The following NKAIN3 variants were observed in gnomAD, a reference collection of about 807,000 sequenced individuals.
NKAIN3 encodes sodium/potassium-transporting ATPase subunit beta-1-interacting protein 3.
NKAIN3 carries 25 observed loss-of-function variants against 30.2 expected under a neutral mutation model. The observed-to-expected ratio is 0.83, with a 90% CI of 0.60 to 1.16. NKAIN3 has a LOEUF of 1.16. Among genes scored for constraint, NKAIN3 ranks in the 50% most tolerant of loss-of-function variants. The pLI, the probability that NKAIN3 is intolerant of heterozygous loss-of-function variation, is 0.00. For missense variants in NKAIN3, 225 were observed against 254.1 expected, an observed-to-expected ratio of 0.89 and a Z score of 0.78; for synonymous variants, 91 against 89.6, an observed-to-expected ratio of 1.02 and a Z score of -0.09.
chr8:62,676,880 AT>A (rs1001103841), intron 3 of NKAIN3, among the ~76,000 whole-genome samples: 2 of 151,132 alleles, frequency 1.3e-5, no homozygotes, highest in South Asian at 2.1e-4. Context: ...TGCCAAGCTA[AT>A]TTTTTTTTAA....
At chr8:62,735,370 CTTTCTTTCTTT>C (rs751279907) in intron 3 of NKAIN3, among the ~76,000 whole-genome samples, 8,229 of 25,514 alleles carry the variant, frequency 0.32, 447 homozygotes, top group Middle Eastern at 0.42. Flanking sequence ...TTCTTTCTTT[CTTTCTTTCTTT>C]TTTTTTTTTT....
At chr8:62,717,615 T>C (rs1375896288) in intron 3 of NKAIN3, among the ~76,000 whole-genome samples, 3 of 152,214 alleles carry the variant, frequency 2.0e-5, no homozygotes, top group Non-Finnish European at 4.4e-5. Context: ...TCAGTATTAA[T>C]ATATGCACAT....
chr8:62,750,088 T>C (rs2130591424), intron 4 of NKAIN3, among the ~76,000 whole-genome samples: 1 of 152,114 alleles, frequency 6.6e-6, no homozygotes, highest in East Asian at 2.0e-4. Context: ...GGTCGCAATA[T>C]TTAACAGCCC....
In NKAIN3 at chr8:62,380,578, A is replaced by T. The variant is rs1817246275; in HGVS notation, c.54+131451A>T. 2.6e-5 allele frequency among the ~76,000 whole-genome samples: 4 copies of T among 152,218 alleles called. No homozygotes were observed. In the South Asian group the frequency reaches 6.2e-4, roughly 24 times the overall value. ...TCAGAGCTTTGGCAGAAATGACAGT[A>T]AACAAGGCTGAGTGTCTCTGTGCTG... On this transcript the variant is annotated intron_variant, in intron 1 of 6. Transcript: ENST00000623646.
intron 4 of NKAIN3, among the ~76,000 whole-genome samples, chr8:62,912,681 G>A (rs1226675688): frequency 1.3e-5 from 2 of 152,166 alleles, no homozygotes; most frequent in African/African-American, 2.4e-5. Flanking sequence ...AGGCTGAGGA[G>A]GACGGATCAC....
intron 4 of NKAIN3, among the ~76,000 whole-genome samples, chr8:62,801,549 G>C (rs1351760992): frequency 1.3e-5 from 2 of 152,206 alleles, no homozygotes; most frequent in Non-Finnish European, 2.9e-5. Flanking sequence ...CAGACCTGCA[G>C]CTGAGGGTCC....
At chr8:62,925,481 G>A (rs922727607) in intron 5 of NKAIN3, among the ~76,000 whole-genome samples, 3 of 152,128 alleles carry the variant, frequency 2.0e-5, no homozygotes, top group Non-Finnish European at 4.4e-5. Context: ...ACATTATCTG[G>A]AAATTTTCTG....
chr8:62,571,136 C>T (rs1809923255), intron 1 of NKAIN3, among the ~76,000 whole-genome samples: 2 of 109,330 alleles, frequency 1.8e-5, no homozygotes, highest in Non-Finnish European at 3.8e-5. Context: ...TTGAAATAGG[C>T]TTATTTTTTT....
chr8:62,614,737 T>C (rs2130198700), intron 3 of NKAIN3, among the ~76,000 whole-genome samples: 1 of 152,242 alleles, frequency 6.6e-6, no homozygotes, highest in African/African-American at 2.4e-5. Context: ...CTTCCCACTC[T>C]TCTCTCCCCT....
In NKAIN3 at chr8:62,661,119, T is replaced by C. The variant is rs778004568; in HGVS notation, c.273+71325T>C. Reference sequence around the variant, plus strand: ...ATAGAGAAACATACATTATTCAGTTTTTTGAAAGCAGATTTGAAGCACGTA... The same window carrying C: ...ATAGAGAAACATACATTATTCAGTTCTTTGAAAGCAGATTTGAAGCACGTA... On this transcript the variant is annotated intron_variant, in intron 3 of 6. Transcript: ENST00000623646. Among the ~76,000 whole-genome samples, 62 of 152,210 alleles carry C rather than the reference T, an allele frequency of 4.1e-4. 1 individual carries two copies. The highest frequency in any genetic ancestry group is 1.5e-4 in the Non-Finnish European group (10 of 68,028).
intron 3 of NKAIN3, among the ~76,000 whole-genome samples, chr8:62,716,202 T>C (rs1227795661): frequency 6.6e-6 from 1 of 152,116 alleles, no homozygotes; most frequent in Non-Finnish European, 1.5e-5. Flanking sequence ...CCACAGCCCT[T>C]TTTTGTCAAT....
In NKAIN3 at chr8:62,549,038, C is replaced by T. The variant is rs373869544; in HGVS notation, c.55-30501C>T. 3.9e-5 allele frequency among the ~76,000 whole-genome samples: 6 copies of T among 152,242 alleles called. No homozygotes were observed. The East Asian group carries it at 9.6e-4, about 24-fold the overall frequency. The stretch of plus-strand genomic sequence containing the variant: ...TTTCAAAAGCCTGCTCTAAGACTCT[C>T]TAGAGAAATTGAAGCAAATTTTGAA... On this transcript the variant is annotated intron_variant, in intron 1 of 6. Transcript: ENST00000623646.
chr8:62,441,276 C>T (rs186499106), intron 1 of NKAIN3, among the ~76,000 whole-genome samples: 66 of 151,920 alleles, frequency 4.3e-4, no homozygotes, highest in African/African-American at 1.5e-3. Context: ...TTTTGTTTTT[C>T]GGTATGCCTT....
At chr8:62,941,004 C>T (rs1245502142) in intron 5 of NKAIN3, among the ~76,000 whole-genome samples, 2 of 150,216 alleles carry the variant, frequency 1.3e-5, no homozygotes, top group Admixed American at 6.6e-5. Context: ...GATTGATGGA[C>T]CATTTGCAAT....
intron 1 of NKAIN3, among the ~76,000 whole-genome samples, chr8:62,375,748 A>G (rs1169982702): frequency 2.6e-5 from 4 of 152,240 alleles, no homozygotes; most frequent in Non-Finnish European, 5.9e-5. Context: ...CTTTAATGAT[A>G]TTAAAATGCT....
chr8:62,807,586 C>G (rs1358443805), intron 4 of NKAIN3, among the ~76,000 whole-genome samples: 1 of 140,830 alleles, frequency 7.1e-6, no homozygotes, highest in Non-Finnish European at 1.5e-5. Context: ...CAATGTCTCA[C>G]TCTGTCACCA....
chr8:62,875,736 C>G (rs1335735241), intron 4 of NKAIN3, among the ~76,000 whole-genome samples: 1 of 152,044 alleles, frequency 6.6e-6, no homozygotes, highest in Non-Finnish European at 1.5e-5. Flanking sequence ...AGGATCTCCT[C>G]CTATTCAGGA....
intron 1 of NKAIN3, among the ~76,000 whole-genome samples, chr8:62,272,024 C>T (rs1260112458): frequency 1.3e-5 from 2 of 152,108 alleles, no homozygotes; most frequent in African/African-American, 4.8e-5. Context: ...TGCCCTCCAA[C>T]CAGTCTCAGA....
At chr8:62,500,456 A>G (rs527843726) in intron 1 of NKAIN3, among the ~76,000 whole-genome samples, 2 of 139,884 alleles carry the variant, frequency 1.4e-5, no homozygotes, top group African/African-American at 6.1e-5. Flanking sequence ...AAAGAAAGAA[A>G]GAAAGAAAGA....
Sources: gnomAD v4.1 joint callset for allele counts (sites outside exome capture counted in the v4.1 genomes callset) on GRCh38, gnomAD v4.1.1 for gene constraint, MANE v1.5 for transcripts, NCBI Gene and HGNC (gene_info 2026-07-23, HGNC 2026-07-21) for gene names.